Variants in BPTF observed in about 807,000 individuals in gnomAD.
BPTF encodes bromodomain PHD finger transcription factor, also known as nucleosome-remodeling factor subunit BPTF.
BPTF carries 18 observed loss-of-function variants against 292.5 expected under a neutral mutation model. The observed-to-expected ratio is 0.06, with a 90% CI of 0.04 to 0.09. The LOEUF is 0.09. Among genes scored for constraint, BPTF ranks in the 10% least tolerant of loss-of-function variants. The pLI, the probability that BPTF is intolerant of heterozygous loss-of-function variation, is 1.00. For synonymous variants in BPTF, 1,225 were observed against 1,251.9 expected (o/e 0.98, Z 0.45); for missense variants, 2,726 against 3,498.7 (o/e 0.78, Z 5.57).
intron 26 of BPTF, among the ~76,000 whole-genome samples, chr17:67,971,863 C>T (rs1198146445): frequency 1.3e-5 from 2 of 151,334 alleles, no homozygotes; most frequent in African/African-American, 2.4e-5. Flanking sequence ...AAAAATTACA[C>T]GTTAGCAAAT....
chr17:67,838,852 A>G (rs1004742605), intron 1 of BPTF, among the ~76,000 whole-genome samples: 1 of 152,232 alleles, frequency 6.6e-6, no homozygotes, highest in Non-Finnish European at 1.5e-5. Context: ...TATGCCATGA[A>G]ATCAGATTTT....
chr17:67,841,012 A>T (rs1267795968), intron 1 of BPTF, among the ~76,000 whole-genome samples: 1 of 152,146 alleles, frequency 6.6e-6, no homozygotes, highest in Non-Finnish European at 1.5e-5. Flanking sequence ...TAAGTTTTAA[A>T]TTTTGATAAA....
rs557669526 is a variant in BPTF, at chr17:67,921,529, G to GTAAA, written c.5558-1286_5558-1283dup. Among the ~76,000 whole-genome samples, 955 of 151,520 alleles carry GTAAA rather than the reference G, an allele frequency of 6.3e-3. 6 individuals are homozygous for GTAAA. The highest frequency in any genetic ancestry group is 0.018 in the African/African-American group (744 of 41,306). Reference sequence around the variant, plus strand: ...CAACAGAGTGAGACTCCATTTCCAAGTAAATAAATAAATAAATAAATAAAT... The same window carrying GTAAA: ...CAACAGAGTGAGACTCCATTTCCAAGTAAATAAATAAATAAATAAATAAATAAAT... On this transcript the variant is annotated intron_variant, in intron 13 of 27. Coordinates refer to ENST00000306378, the MANE Select transcript of BPTF (RefSeq NM_182641.4).
intron 3 of BPTF, among the ~76,000 whole-genome samples, chr17:67,869,827 CAAAAAAAAAAA>C (rs772941425): frequency 5.3e-5 from 3 of 56,446 alleles, no homozygotes; most frequent in South Asian, 1.3e-3. Flanking sequence ...ACTAAAAATA[CAAAAAAAAAAA>C]AAAAAAAAAA....
chr17:67,893,808 G>A (rs2061274588), intron 6 of BPTF, 83 bp downstream of exon 6: 22 of 1,315,132 alleles, frequency 1.7e-5, no homozygotes, highest in Non-Finnish European at 2.0e-5. Flanking sequence ...ATTTGAAAAC[G>A]TCATTACCAA....
chr17:67,827,329 G>T (rs544705240), intron 1 of BPTF, among the ~76,000 whole-genome samples: 3 of 152,138 alleles, frequency 2.0e-5, no homozygotes, highest in African/African-American at 4.8e-5. Context: ...AATCCGTAAT[G>T]AATTTCTCCA....
chr17:67,932,464 A>C (rs1272541451), intron 18 of BPTF, among the ~76,000 whole-genome samples: 1 of 152,240 alleles, frequency 6.6e-6, no homozygotes, highest in Non-Finnish European at 1.5e-5. Context: ...TGGAAGGCCA[A>C]GACAGGAGTA....
intron 1 of BPTF, among the ~76,000 whole-genome samples, chr17:67,832,890 C>T (rs1226080970): frequency 6.8e-6 from 1 of 146,844 alleles, no homozygotes; most frequent in African/African-American, 2.5e-5. Flanking sequence ...CGGGTTTAAG[C>T]GATTCTCCTG....
intron 1 of BPTF, among the ~76,000 whole-genome samples, chr17:67,839,356 T>G (rs2057382672): frequency 6.6e-6 from 1 of 152,144 alleles, no homozygotes; most frequent in Non-Finnish European, 1.5e-5. Flanking sequence ...CAGCTATGGC[T>G]ATTGTATTTT....
chr17:67,840,618 C>T (rs1225458050), intron 1 of BPTF, among the ~76,000 whole-genome samples: 1 of 151,712 alleles, frequency 6.6e-6, no homozygotes, highest in African/African-American at 2.4e-5. Flanking sequence ...GTGGCATGAT[C>T]TTGGCTCACT....
intron 2 of BPTF, among the ~76,000 whole-genome samples, chr17:67,858,889 C>A (rs2058899074): frequency 6.6e-6 from 1 of 152,158 alleles, no homozygotes; most frequent in Non-Finnish European, 1.5e-5. Context: ...CAGATACAGA[C>A]CAAAGGTGTC....
chr17:67,827,925 T>C (rs2056246068), intron 1 of BPTF, among the ~76,000 whole-genome samples: 1 of 148,124 alleles, frequency 6.8e-6, no homozygotes, highest in South Asian at 2.1e-4. Context: ...AACTTAATTT[T>C]AGTACTTTTT....
chr17:67,923,416 A>G (rs2063595255), intron 14 of BPTF, among the ~76,000 whole-genome samples: 1 of 140,192 alleles, frequency 7.1e-6, no homozygotes, highest in East Asian at 2.2e-4. Context: ...ACTTTACTCC[A>G]CCTTTGATTT....
intron 3 of BPTF, among the ~76,000 whole-genome samples, chr17:67,873,513 G>C (rs546038915): frequency 6.6e-6 from 1 of 150,784 alleles, no homozygotes; most frequent in Non-Finnish European, 1.5e-5. Context: ...CACAAATAGC[G>C]TACTCTAGTT....
chr17:67,869,451 A>G (rs1490147578), intron 3 of BPTF, among the ~76,000 whole-genome samples: 2 of 152,190 alleles, frequency 1.3e-5, no homozygotes, highest in East Asian at 3.8e-4. Context: ...TTTCATTATG[A>G]ATTATCATGT....
chr17:67,911,177 C>A lies in BPTF; in HGVS notation c.3293C>A (p.Ser1098Tyr). 6.2e-7 allele frequency: 1 copy of A among 1,613,628 alleles called. No homozygotes were observed. Among genetic ancestry groups the A allele is most frequent in the Non-Finnish European group, 8.5e-7 (1 of 1,179,924 alleles). Residue 1098 changes from serine (S) to tyrosine (Y), a missense_variant, in exon 11 of 28, where the codon TCT becomes TAT. Coordinates refer to ENST00000306378, the MANE Select transcript of BPTF (RefSeq NM_182641.4). ...GGTATAGGAAAGACTTCTACAAATT[C>A]TTCAAAAAATCTCTCTGAATCACCA... is the stretch of plus-strand genomic sequence containing the variant. Reference protein sequence around the residue: ...IKGIGKTSTNSSKNLSESPVI... With the variant: ...IKGIGKTSTNYSKNLSESPVI...
At chr17:67,897,458 A>C (rs1424782754) in intron 7 of BPTF, among the ~76,000 whole-genome samples, 1 of 152,038 alleles carries the variant, frequency 6.6e-6, no homozygotes, top group African/African-American at 2.4e-5. Context: ...TCACTAACAC[A>C]GTATTCAGGT....
chr17:67,911,356 A>G lies in BPTF; in HGVS notation c.3472A>G (p.Asn1158Asp), dbSNP rs1301294014. The change falls in exon 11 of 28, where the codon AAC becomes GAC. Residue 1158 changes from asparagine (N) to aspartate (D), a missense_variant. Physicochemically the swap from Asn to Asp is conservative, Grantham distance 23. This residue lies in a region of BPTF where 713 missense variants were observed against 714.9 expected (regional missense o/e 1.00). Coordinates refer to ENST00000306378, the MANE Select transcript of BPTF (RefSeq NM_182641.4). ...AATGAGTGATCCTAGTCATACCACA[A>G]ACAAACTTTATCCAAAAGATCGAGT... ...LRMSDPSHTT[N>D]KLYPKDRVLD... The G allele has an allele frequency of 6.2e-7, 1 of 1,614,024 alleles. No homozygotes were observed. Among genetic ancestry groups the G allele is most frequent in the Non-Finnish European group, 8.5e-7 (1 of 1,180,026 alleles).
chr17:67,940,402 G>T lies in BPTF; in HGVS notation c.6260-37G>T, dbSNP rs1047922693. The T allele has an allele frequency of 5.1e-6, 8 of 1,563,174 alleles. No individual in the cohort carries two copies. In the African/African-American group the frequency reaches 9.5e-5, roughly 19 times the overall value. ...ATTTCAATTCAAAATAATGCCAAGG[G>T]TGTATAAGCATTCATAATGTTTTGC... is the stretch of plus-strand genomic sequence containing the variant. On this transcript the variant is annotated intron_variant, in intron 18 of 27. Coordinates refer to ENST00000306378, the MANE Select transcript of BPTF (RefSeq NM_182641.4).
Sources: gnomAD v4.1 joint callset for allele counts (sites outside exome capture counted in the v4.1 genomes callset) on GRCh38, gnomAD v4.1.1 for gene constraint, gnomAD v4.1.1 regional missense constraint, MANE v1.5 for transcripts, NCBI Gene and HGNC (gene_info 2026-07-23, HGNC 2026-07-21) for gene names.